Variants in NCOA6 observed in about 807,000 individuals in gnomAD.
NCOA6 encodes nuclear receptor coactivator 6, also known as NRC RAP250.
In NCOA6, 49 loss-of-function variants were observed where a neutral mutation model predicts 171.4. The ratio of observed to expected loss-of-function variants is 0.29; its 90% CI spans 0.23 to 0.36. The LOEUF (loss-of-function observed/expected upper bound fraction) is 0.36, where lower values mean the gene tolerates loss of function less well. Ranked by LOEUF, NCOA6 falls within the 10% of genes least tolerant of loss-of-function variation. The pLI is 1.00. For missense variants in NCOA6, 2,248 were observed against 2,554.5 expected, an observed-to-expected ratio of 0.88 and a Z score of 2.59; for synonymous variants, 910 against 927.5, an observed-to-expected ratio of 0.98 and a Z score of 0.34.
chr20:34,719,969 G>A lies in NCOA6; in HGVS notation c.6149-4604C>T, dbSNP rs560907246. On this transcript the variant is annotated intron_variant, in intron 14 of 14. Coordinates refer to ENST00000359003, the MANE Select transcript of NCOA6 (RefSeq NM_014071.5). ...TGTTTTTTTAGACAGTTTCTTCACTGGCTGTGGGTAGGGTGGGGCTATCAC... is the reference window on the plus strand; with the variant it reads ...TGTTTTTTTAGACAGTTTCTTCACTAGCTGTGGGTAGGGTGGGGCTATCAC... Among the ~76,000 whole-genome samples, 7 of 152,226 alleles carry A rather than the reference G, an allele frequency of 4.6e-5. No homozygotes were observed. In the South Asian group the frequency reaches 1.5e-3, roughly 32 times the overall value.
At position 34,741,081 on chromosome 20, in the gene NCOA6, G is replaced by A. The variant is rs1483199376; in HGVS notation, c.5175C>T (p.Asn1725=). Residue 1725 remains asparagine, a synonymous_variant, in exon 11 of 15, where the codon AAC becomes AAT. Transcript: ENST00000359003. ...PNALSSSPAP[N]IQTGRPLVLS... ...GGACCAAAGGTCGACCTGTCTGGAT[G>A]TTTGGAGCAGGACTACTGGAGAGGG... 1 of 1,614,122 alleles carries A rather than the reference G, an allele frequency of 6.2e-7. No homozygotes were observed. The highest frequency in any genetic ancestry group is 8.5e-7 in the Non-Finnish European group (1 of 1,180,056).
chr20:34,796,309 C>T (rs6088608), intron 1 of NCOA6, among the ~76,000 whole-genome samples: 1 of 151,926 alleles, frequency 6.6e-6, no homozygotes, highest in Non-Finnish European at 1.5e-5. Flanking sequence ...CGCACCCGAC[C>T]TGAAATATTT....
chr20:34,780,498 C>A (rs2077484386), intron 3 of NCOA6, among the ~76,000 whole-genome samples: 1 of 151,762 alleles, frequency 6.6e-6, no homozygotes, highest in Non-Finnish European at 1.5e-5. Context: ...ATTACAGGCA[C>A]CTGCCAGCAC....
chr20:34,716,984 T>C (rs1376242678), intron 14 of NCOA6, among the ~76,000 whole-genome samples: 1 of 152,214 alleles, frequency 6.6e-6, no homozygotes, highest in East Asian at 1.9e-4. Flanking sequence ...ATGAATCAGA[T>C]TTACCCATTT....
intron 14 of NCOA6, among the ~76,000 whole-genome samples, chr20:34,716,869 A>G (rs1267272265): frequency 6.6e-6 from 1 of 152,234 alleles, no homozygotes; most frequent in Non-Finnish European, 1.5e-5. Context: ...ATTGACTTCA[A>G]AAGGTCACCT....
At chr20:34,758,776 C>T (rs771974354) in intron 6 of NCOA6, 29 bp downstream of exon 6, 1 of 1,608,804 alleles carries the variant, frequency 6.2e-7, no homozygotes, top group Non-Finnish European at 8.5e-7. Context: ...GTTTCAGACT[C>T]TTCATCCTCA....
In NCOA6 at chr20:34,785,887, A is replaced by C. The variant is rs571782621; in HGVS notation, c.-49-3483T>G. ...CATTACACAGTACTTAAAAAAAAAA[A>C]AAAAAACAGAGAGAAATTGAAAGTC... On this transcript the variant is annotated intron_variant, in intron 2 of 14. Coordinates refer to ENST00000359003, the MANE Select transcript of NCOA6 (RefSeq NM_014071.5). Among the ~76,000 whole-genome samples, 83 of 152,218 alleles carry C rather than the reference A, an allele frequency of 5.5e-4. No individual in the cohort carries two copies. The South Asian group carries it at 0.012, about 22-fold the overall frequency.
chr20:34,716,282 G>A (rs764049060), intron 14 of NCOA6, among the ~76,000 whole-genome samples: 7 of 151,026 alleles, frequency 4.6e-5, no homozygotes, highest in African/African-American at 1.5e-4. Flanking sequence ...AATAAGCAAC[G>A]GCCTGCTCTG....
intron 2 of NCOA6, among the ~76,000 whole-genome samples, chr20:34,792,087 T>C (rs2077904318): frequency 6.6e-6 from 1 of 152,216 alleles, no homozygotes; most frequent in Non-Finnish European, 1.5e-5. Context: ...AGAGTTATGT[T>C]GAGTTTGCAA....
chr20:34,813,173 A>AT (rs776899379), intron 1 of NCOA6, among the ~76,000 whole-genome samples: 9 of 151,094 alleles, frequency 6.0e-5, no homozygotes, highest in Non-Finnish European at 1.0e-4. Flanking sequence ...AAAAAAAAAA[A>AT]CAAAAAAATA....
chr20:34,816,042 G>A (rs967672690), intron 1 of NCOA6, among the ~76,000 whole-genome samples: 19 of 151,986 alleles, frequency 1.3e-4, no homozygotes, highest in African/African-American at 4.4e-4. Context: ...AAAGTACGTC[G>A]GCTTCACTTC....
intron 2 of NCOA6, among the ~76,000 whole-genome samples, chr20:34,788,099 T>C (rs1166239151): frequency 1.3e-5 from 2 of 152,148 alleles, no homozygotes; most frequent in Non-Finnish European, 2.9e-5. Context: ...ACTCCTGAGC[T>C]CAAGCAATCC....
intron 5 of NCOA6, among the ~76,000 whole-genome samples, chr20:34,761,876 G>C (rs560124327): frequency 2.6e-5 from 4 of 152,218 alleles, no homozygotes; most frequent in Admixed American, 6.5e-5. Flanking sequence ...GGCTGGTCTT[G>C]AACTCCTGAC....
At chr20:34,763,300 C>T (rs73106975) in intron 5 of NCOA6, among the ~76,000 whole-genome samples, 330 of 152,270 alleles carry the variant, frequency 2.2e-3, no homozygotes, top group Non-Finnish European at 2.6e-3. Flanking sequence ...ATATTTCCAT[C>T]TCTTTTTCTC....
chr20:34,775,552 G>A (rs2077286387), intron 4 of NCOA6, among the ~76,000 whole-genome samples: 2 of 151,384 alleles, frequency 1.3e-5, no homozygotes, highest in African/African-American at 4.9e-5. Context: ...GGGCATGGTA[G>A]TACATGCCTG....
intron 1 of NCOA6, among the ~76,000 whole-genome samples, chr20:34,812,396 T>C (rs947733536): frequency 4.6e-5 from 7 of 152,190 alleles, no homozygotes; most frequent in South Asian, 2.1e-4. Flanking sequence ...GTCAAGGTGA[T>C]TGGCATTTCA....
At chr20:34,734,492 G>A (rs1341058326) in intron 12 of NCOA6, among the ~76,000 whole-genome samples, 1 of 152,136 alleles carries the variant, frequency 6.6e-6, no homozygotes, top group Non-Finnish European at 1.5e-5. Context: ...CAAGTAGTAT[G>A]CATGCCAAGC....
intron 1 of NCOA6, among the ~76,000 whole-genome samples, chr20:34,822,508 A>G (rs557930311): frequency 6.6e-6 from 1 of 152,264 alleles, no homozygotes; most frequent in Non-Finnish European, 1.5e-5. Context: ...TGATTCTTTG[A>G]GCAGACACAC....
At chr20:34,753,544 C>G (rs890112563) in intron 8 of NCOA6, among the ~76,000 whole-genome samples, 4 of 151,680 alleles carry the variant, frequency 2.6e-5, no homozygotes, top group African/African-American at 4.8e-5. Context: ...ACCTGTAATC[C>G]CAGCTACTCA....
Sources: allele counts gnomAD v4.1 joint callset (sites outside exome capture counted in the v4.1 genomes callset), GRCh38; gene constraint gnomAD v4.1.1; transcripts MANE v1.5; gene names NCBI Gene and HGNC (gene_info 2026-07-23, HGNC 2026-07-21).